Variants in RPS6KA1 observed in about 807,000 individuals in gnomAD.
The protein encoded by RPS6KA1 is ribosomal protein S6 kinase alpha-1.
In RPS6KA1, 48 loss-of-function variants were observed where a neutral mutation model predicts 91.3. That is an observed-to-expected ratio of 0.53 (90% confidence interval 0.42 to 0.67). RPS6KA1 has a LOEUF of 0.67. Ranked by LOEUF, RPS6KA1 falls within the 30% of genes least tolerant of loss-of-function variation. The probability of loss-of-function intolerance (pLI) is 0.00; values close to 1 mark genes in which losing one functional copy is unlikely to be tolerated. For synonymous variants in RPS6KA1, 359 were observed against 384.7 expected (o/e 0.93, Z 0.78); for missense variants, 719 against 960.5 (o/e 0.75, Z 3.32).
intron 2 of RPS6KA1, among the ~76,000 whole-genome samples, chr1:26,542,002 C>T (rs2075952839): frequency 6.6e-6 from 1 of 152,170 alleles, no homozygotes; most frequent in African/African-American, 2.4e-5. Context: ...GGCTGTCCTC[C>T]CCCCGCCCGC....
chr1:26,554,013 C>G lies in RPS6KA1; in HGVS notation c.576-201C>G. On this transcript the variant is annotated intron_variant, in intron 7 of 21. Transcript: ENST00000374168. The surrounding 1 kb of genome is among the most constrained non-coding windows in gnomAD (Gnocchi z 4.6). ...GGGCCCTAATAGTACTTGCCTCACA[C>G]AGTTGCTTCAAGGATTAGCAAAAAA... 1 of 555,156 alleles carries G rather than the reference C, an allele frequency of 1.8e-6. No individual in the cohort carries two copies. The highest frequency in any genetic ancestry group is 3.2e-6 in the Non-Finnish European group (1 of 309,314). 34.4% of individuals were successfully genotyped at this position (555,156 alleles called of 1,614,324 possible).
At chr1:26,552,171 G>C (rs747108499) in intron 6 of RPS6KA1, among the ~76,000 whole-genome samples, 68 of 152,058 alleles carry the variant, frequency 4.5e-4, no homozygotes, top group Non-Finnish European at 9.0e-4. Context: ...GGGCAGATCA[G>C]GAGGTCAGGA....
chr1:26,554,970 A>G lies in RPS6KA1; in HGVS notation c.757-181A>G, dbSNP rs976721306. ...GCCTTCTCCCCAGCCTCGCGCCCCC[A>G]CCGCTGCTCCTGGTGGTCTGGTTGG... is the stretch of plus-strand genomic sequence containing the variant. On this transcript the variant is annotated intron_variant, in intron 9 of 21. Transcript: ENST00000374168. This position sits in a 1 kb window ranked among gnomAD's most constrained non-coding sequence, Gnocchi z 4.6. Among the ~76,000 whole-genome samples the G allele has an allele frequency of 6.6e-6, 1 of 152,004 alleles. No homozygotes were observed. The highest frequency in any genetic ancestry group is 1.5e-5 in the Non-Finnish European group (1 of 68,002).
chr1:26,554,959 C>T lies in RPS6KA1; in HGVS notation c.757-192C>T, dbSNP rs1175631367. On this transcript the variant is annotated intron_variant, in intron 9 of 21. Transcript: ENST00000374168. The surrounding 1 kb of genome is among the most constrained non-coding windows in gnomAD (Gnocchi z 4.6). ...ACCCAGTGCTGGCCTTCTCCCCAGC[C>T]TCGCGCCCCCACCGCTGCTCCTGGT... Among the ~76,000 whole-genome samples the T allele has an allele frequency of 1.3e-5, 2 of 152,216 alleles. No homozygotes were observed. The highest frequency in any genetic ancestry group is 2.9e-5 in the Non-Finnish European group (2 of 68,046).
chr1:26,556,057 T>C (rs1052211670), intron 11 of RPS6KA1: 13 of 228,782 alleles, frequency 5.7e-5, no homozygotes, highest in African/African-American at 2.7e-4. Flanking sequence ...GCAGGTGACT[T>C]CACCTCTCTG....
Position 26,551,732 on chromosome 1 carries a change from A to G in RPS6KA1, c.468+9A>G, listed in dbSNP as rs779813275. 2 of 1,612,106 alleles carry G rather than the reference A, an allele frequency of 1.2e-6. No homozygotes were observed. The highest frequency in any genetic ancestry group is 2.2e-5 in the East Asian group (1 of 44,864). ...CCCGGCTCTCAAAAGAGGTGAGCTG[A>G]CATCTACTGCCAGAGGGCCCCGGGA... is the stretch of plus-strand genomic sequence containing the variant. On this transcript the variant is annotated intron_variant, in intron 6 of 21. Transcript: ENST00000374168. This position sits in a 1 kb window ranked among gnomAD's most constrained non-coding sequence, Gnocchi z 4.5.
Position 26,547,892 on chromosome 1 carries a change from G to A in RPS6KA1, c.307+622G>A, listed in dbSNP as rs980735876. ...GTCTCTCTTTAAATAAGTCAAGGCC[G>A]GGCGCGGTGGCTCACACCTGTAATC... On this transcript the variant is annotated intron_variant, in intron 4 of 21. Coordinates refer to ENST00000374168, the MANE Select transcript of RPS6KA1 (RefSeq NM_002953.4). The surrounding 1 kb of genome is among the most constrained non-coding windows in gnomAD (Gnocchi z 4.1). Among the ~76,000 whole-genome samples, 6 of 152,162 alleles carry A rather than the reference G, an allele frequency of 3.9e-5. No individual in the cohort carries two copies. Among genetic ancestry groups the A allele is most frequent in the Non-Finnish European group, 5.9e-5 (4 of 68,024 alleles).
At chr1:26,572,631 G>A (rs1018572502) in intron 20 of RPS6KA1, among the ~76,000 whole-genome samples, 22 of 152,140 alleles carry the variant, frequency 1.4e-4, no homozygotes, top group East Asian at 1.9e-4. Flanking sequence ...ACAGATAGGC[G>A]GACGCTCTTG....
chr1:26,543,026 A>T (rs375972658), intron 2 of RPS6KA1: 2 of 933,006 alleles, frequency 2.1e-6, no homozygotes, highest in African/African-American at 3.3e-5. Context: ...CTGACCCATC[A>T]TCTGCCCCTC....
Position 26,571,895 on chromosome 1 carries a change from T to C in RPS6KA1, c.1799T>C (p.Leu600Pro). 1 of 1,611,902 alleles carries C rather than the reference T, an allele frequency of 6.2e-7. No homozygotes were observed. Among genetic ancestry groups the C allele is most frequent in the Non-Finnish European group, 8.5e-7 (1 of 1,179,984 alleles). Reference protein sequence around the residue: ...GYDEGCDIWSLGILLYTMLAG... With the variant: ...GYDEGCDIWSPGILLYTMLAG... ...GATGAAGGCTGCGACATCTGGAGCC[T>C]GGGCATTCTGCTGTACACCATGCTG... The change falls in exon 19 of 22, where the codon CTG (leucine) becomes CCG (proline). Residue 600 changes from leucine to proline, a missense_variant. By Grantham distance (98) the Leu-to-Pro change is moderately conservative. This residue lies in a region of RPS6KA1 where 249 missense variants were observed against 323.1 expected (regional missense o/e 0.77). Coordinates refer to ENST00000374168, the MANE Select transcript of RPS6KA1 (RefSeq NM_002953.4). This position sits in a 1 kb window ranked among gnomAD's most constrained non-coding sequence, Gnocchi z 5.1.
chr1:26,574,524 G>T lies in RPS6KA1; in HGVS notation c.*323G>T, dbSNP rs934299765. ...GCAGAAACAGCCATTGCGGCCCCAG[G>T]AGGGGAACTGAGTCACGCTGGGGCT... On this transcript the variant is annotated 3_prime_UTR_variant, in exon 22 of 22. Transcript: ENST00000374168. The surrounding 1 kb of genome is among the most constrained non-coding windows in gnomAD (Gnocchi z 4.3). 10 of 493,470 alleles carry T rather than the reference G, an allele frequency of 2.0e-5. No individual in the cohort carries two copies. Among genetic ancestry groups the T allele is most frequent in the African/African-American group, 1.6e-4 (8 of 51,242 alleles). 30.6% of individuals were successfully genotyped at this position (493,470 alleles called of 1,614,324 possible).
At position 26,572,298 on chromosome 1, in the gene RPS6KA1, GTC is replaced by G; in HGVS notation, c.1947+7_1947+8del. The G allele has an allele frequency of 1.3e-6, 2 of 1,598,432 alleles. No homozygotes were observed. Among genetic ancestry groups the G allele is most frequent in the Non-Finnish European group, 1.7e-6 (2 of 1,165,784 alleles). On this transcript the variant is annotated splice_donor_region_variant and intron_variant, in intron 20 of 21. Coordinates refer to ENST00000374168, the MANE Select transcript of RPS6KA1 (RefSeq NM_002953.4). ...ACAGTTTCAGAGACAGCCAAGGTGAGTCTGTACGGCCTGCGTGGGCTTATTTG... is the reference window on the plus strand; with the variant it reads ...ACAGTTTCAGAGACAGCCAAGGTGAGTGTACGGCCTGCGTGGGCTTATTTG...
intron 1 of RPS6KA1, chr1:26,530,816 G>T (rs1557485233): frequency 7.8e-7 from 1 of 1,288,740 alleles, no homozygotes; most frequent in Non-Finnish European, 1.0e-6. Flanking sequence ...ACCTCTTCCT[G>T]TGCCTTTTGA....
chr1:26,543,933 G>A, intron 2 of RPS6KA1: 1 of 385,220 alleles, frequency 2.6e-6, no homozygotes, highest in South Asian at 1.8e-5. Context: ...CTACTGTCTG[G>A]GTCCCCCTCA....
At chr1:26,538,330 G>C (rs548394139) in intron 2 of RPS6KA1, among the ~76,000 whole-genome samples, 1 of 152,334 alleles carries the variant, frequency 6.6e-6, no homozygotes, top group African/African-American at 2.4e-5. Context: ...CAGGGCTGAG[G>C]TTCTGGGGGT....
In RPS6KA1 at chr1:26,551,283, C is replaced by A; in HGVS notation, c.308-114C>A. 1 of 870,680 alleles carries A rather than the reference C, an allele frequency of 1.1e-6. No individual in the cohort carries two copies. Among genetic ancestry groups the A allele is most frequent in the Non-Finnish European group, 1.9e-6 (1 of 532,820 alleles). 53.9% of individuals were successfully genotyped at this position (870,680 alleles called of 1,614,324 possible). The stretch of plus-strand genomic sequence containing the variant: ...GTCCCCAAAGCCCTGGGTGAGGGGG[C>A]TTTGGGAGCTCAGGCCTGGAGGAAC... On this transcript the variant is annotated intron_variant, in intron 4 of 21. Coordinates refer to ENST00000374168, the MANE Select transcript of RPS6KA1 (RefSeq NM_002953.4). The surrounding 1 kb of genome is among the most constrained non-coding windows in gnomAD (Gnocchi z 4.5).
Position 26,540,643 on chromosome 1 carries a change from A to T in RPS6KA1, c.108+3674A>T, listed in dbSNP as rs1438243832. Among the ~76,000 whole-genome samples, 6 of 151,114 alleles carry T rather than the reference A, an allele frequency of 4.0e-5. No individual in the cohort carries two copies. The highest frequency in any genetic ancestry group is 5.9e-5 in the Non-Finnish European group (4 of 67,692). On this transcript the variant is annotated intron_variant, in intron 2 of 21. Coordinates refer to ENST00000374168, the MANE Select transcript of RPS6KA1 (RefSeq NM_002953.4). The surrounding 1 kb of genome is among the most constrained non-coding windows in gnomAD (Gnocchi z 4.2). ...CAGGCTGGAGTGCAGTGGTACAACCACAGCTCACTGTAGCCTTGACCTCCT... is the reference window on the plus strand; with the variant it reads ...CAGGCTGGAGTGCAGTGGTACAACCTCAGCTCACTGTAGCCTTGACCTCCT...
chr1:26,561,102 G>A lies in RPS6KA1; in HGVS notation c.1399G>A (p.Gly467Ser), dbSNP rs1308043342. The change falls in exon 16 of 22, where the codon GGC becomes AGC. Residue 467 changes from glycine to serine, a missense_variant. Gly to Ser is a moderately conservative substitution (Grantham distance 56). This residue lies in a region of RPS6KA1 where 26 missense variants were observed against 69.6 expected (regional missense o/e 0.37). Coordinates refer to ENST00000374168, the MANE Select transcript of RPS6KA1 (RefSeq NM_002953.4). This position sits in a 1 kb window ranked among gnomAD's most constrained non-coding sequence, Gnocchi z 5.7. ...AGAGATTGAGATTCTTCTGCGGTATGGCCAGCACCCCAACATCATCACTCT... is the reference window on the plus strand; with the variant it reads ...AGAGATTGAGATTCTTCTGCGGTATAGCCAGCACCCCAACATCATCACTCT... ...SEEIEILLRY[G>S]QHPNIITLKD... 6.8e-6 allele frequency: 11 copies of A among 1,614,056 alleles called. No homozygotes were observed. Among genetic ancestry groups the A allele is most frequent in the Non-Finnish European group, 9.3e-6 (11 of 1,179,978 alleles).
intron 19 of RPS6KA1, 37 bp from the exon 20 acceptor site, chr1:26,572,139 C>G: frequency 6.4e-7 from 1 of 1,562,570 alleles, no homozygotes; most frequent in Non-Finnish European, 8.8e-7. Context: ...GTATGGAGGC[C>G]AGAGTCTGTA....
Sources: gnomAD v4.1 joint callset for allele counts (sites outside exome capture counted in the v4.1 genomes callset) on GRCh38, gnomAD v4.1.1 for gene constraint, gnomAD v4.1.1 regional missense constraint, Gnocchi (gnomAD v3.1) non-coding constraint, MANE v1.5 for transcripts, NCBI Gene and HGNC (gene_info 2026-07-23, HGNC 2026-07-21) for gene names.